KCNN2: variants seen among roughly 807,000 people sequenced by gnomAD.
KCNN2 encodes the protein potassium calcium-activated channel subfamily N member 2, also known as small conductance calcium-activated potassium channel protein 2.
A neutral mutation model predicts 55.5 loss-of-function variants in KCNN2; 24 were observed. The observed-to-expected ratio is 0.43, with a 90% CI of 0.31 to 0.61. The LOEUF (loss-of-function observed/expected upper bound fraction) is 0.61, where lower values mean the gene tolerates loss of function less well. KCNN2 is among the 20% of genes least tolerant of loss of function. The probability of loss-of-function intolerance (pLI) is 0.08; values close to 1 mark genes in which losing one functional copy is unlikely to be tolerated. For missense variants in KCNN2, 754 were observed against 853.6 expected (o/e 0.88, Z 1.45); for synonymous variants, 431 against 336.1 (o/e 1.28, Z -3.09).
chr5:114,424,764 A>G (rs1018944955), intron 3 of KCNN2, among the ~76,000 whole-genome samples: 3 of 152,230 alleles, frequency 2.0e-5, no homozygotes, highest in Admixed American at 1.3e-4. Context: ...CAGAGGCCAG[A>G]GAGAAAGTTT....
chr5:114,187,813 T>G (rs1170114517), intron 1 of KCNN2, among the ~76,000 whole-genome samples: 2 of 147,186 alleles, frequency 1.4e-5, no homozygotes, highest in African/African-American at 5.1e-5. Context: ...GCCCCCTTTT[T>G]TTTCTTTTTT....
At chr5:114,082,185 C>A (rs923829920) in intron 1 of KCNN2, among the ~76,000 whole-genome samples, 1 of 151,848 alleles carries the variant, frequency 6.6e-6, no homozygotes, top group Non-Finnish European at 1.5e-5. Context: ...TTAGGCCGGG[C>A]ATGGTGGCAT....
chr5:114,287,925 G>T (rs1755788460), intron 2 of KCNN2, among the ~76,000 whole-genome samples: 1 of 152,056 alleles, frequency 6.6e-6, no homozygotes, highest in Non-Finnish European at 1.5e-5. Flanking sequence ...TTTCTAAATT[G>T]AAGTTTTCTT....
At chr5:114,437,318 A>G (rs1760043508) in intron 3 of KCNN2, among the ~76,000 whole-genome samples, 1 of 152,156 alleles carries the variant, frequency 6.6e-6, no homozygotes, top group Non-Finnish European at 1.5e-5. Context: ...AGGAAGAGAA[A>G]GAGACAGTGG....
At chr5:114,183,302 T>G (rs940991392) in intron 1 of KCNN2, among the ~76,000 whole-genome samples, 2 of 152,080 alleles carry the variant, frequency 1.3e-5, no homozygotes, top group African/African-American at 4.8e-5. Context: ...TGACTGTCAT[T>G]GGTCCATAGT....
chr5:114,369,730 A>G (rs2150050055), intron 2 of KCNN2, among the ~76,000 whole-genome samples: 1 of 152,274 alleles, frequency 6.6e-6, no homozygotes, highest in East Asian at 1.9e-4. Context: ...CTGCTTGTGT[A>G]AAGATCTCTG....
At chr5:114,404,384 A>T in intron 2 of KCNN2, 54 bp from the exon 3 acceptor site, 2 of 1,431,898 alleles carry the variant, frequency 1.4e-6, no homozygotes, top group East Asian at 2.3e-5. Flanking sequence ...CTGCACTAAC[A>T]CTTGTGGACC....
intron 1 of KCNN2, among the ~76,000 whole-genome samples, chr5:114,112,249 G>T (rs1751614907): frequency 1.3e-5 from 2 of 152,112 alleles, no homozygotes; most frequent in African/African-American, 4.8e-5. Context: ...AACACTGCAT[G>T]TTCTCACTCA....
At chr5:114,111,589 A>G (rs1001978546) in intron 1 of KCNN2, among the ~76,000 whole-genome samples, 7 of 152,198 alleles carry the variant, frequency 4.6e-5, no homozygotes, top group African/African-American at 1.7e-4. Flanking sequence ...CCATCTGACA[A>G]AGGGCTAATA....
intron 1 of KCNN2, among the ~76,000 whole-genome samples, chr5:114,139,626 T>C (rs2112502748): frequency 6.6e-6 from 1 of 150,676 alleles, no homozygotes; most frequent in East Asian, 1.9e-4. Flanking sequence ...TATAGTTTTA[T>C]AGAGGCTAAA....
chr5:114,468,367 T>G (rs1365528861), intron 4 of KCNN2, among the ~76,000 whole-genome samples: 1 of 152,188 alleles, frequency 6.6e-6, no homozygotes, highest in East Asian at 1.9e-4. Context: ...TTCTGGCACA[T>G]TGAGTCAGTC....
chr5:114,233,785 T>C (rs546163706), intron 2 of KCNN2, among the ~76,000 whole-genome samples: 1 of 152,178 alleles, frequency 6.6e-6, no homozygotes, highest in Non-Finnish European at 1.5e-5. Context: ...TGCTTTATCT[T>C]TGATTGCTTT....
intron 1 of KCNN2, among the ~76,000 whole-genome samples, chr5:114,168,378 G>A (rs188062553): frequency 2.0e-4 from 30 of 151,928 alleles, no homozygotes; most frequent in Middle Eastern, 6.8e-3. Context: ...CCTAAAAGAC[G>A]CTACTTTATC....
intron 2 of KCNN2, among the ~76,000 whole-genome samples, chr5:114,224,453 A>G (rs1184831198): frequency 1.3e-5 from 2 of 152,234 alleles, no homozygotes; most frequent in Non-Finnish European, 2.9e-5. Flanking sequence ...GTCTTTTAAG[A>G]TAGCTTAAAT....
At chr5:114,435,406 A>G (rs1263815063) in intron 3 of KCNN2, among the ~76,000 whole-genome samples, 1 of 151,418 alleles carries the variant, frequency 6.6e-6, no homozygotes, top group East Asian at 1.9e-4. Context: ...ACCTTTTTTT[A>G]TTTTCTTGTT....
chr5:114,083,880 T>A (rs941696102), intron 1 of KCNN2, among the ~76,000 whole-genome samples: 3 of 152,130 alleles, frequency 2.0e-5, no homozygotes, highest in Middle Eastern at 3.2e-3. Flanking sequence ...AAACCACTTA[T>A]CTTTTTACCA....
At chr5:114,160,726 T>C (rs546642450) in intron 1 of KCNN2, among the ~76,000 whole-genome samples, 2,719 of 152,286 alleles carry the variant, frequency 0.018, 77 homozygotes, top group African/African-American at 0.061. Context: ...AGTTAGTTCT[T>C]CTTGCTGAAT....
At chr5:114,251,645 T>A (rs566656546) in intron 2 of KCNN2, among the ~76,000 whole-genome samples, 15 of 152,320 alleles carry the variant, frequency 9.8e-5, no homozygotes, top group African/African-American at 3.6e-4. Flanking sequence ...AAAGGAACTA[T>A]GCACTAGATG....
chr5:114,430,311 G>A (rs1251282305), intron 3 of KCNN2, among the ~76,000 whole-genome samples: 1 of 151,980 alleles, frequency 6.6e-6, no homozygotes, highest in African/African-American at 2.4e-5. Flanking sequence ...GTTTTGTAGT[G>A]TTCATCATAG....
Sources: allele counts gnomAD v4.1 joint callset (sites outside exome capture counted in the v4.1 genomes callset), GRCh38; gene constraint gnomAD v4.1.1; transcripts MANE v1.5; gene names NCBI Gene and HGNC (gene_info 2026-07-23, HGNC 2026-07-21).